ART1: variants seen among roughly 807,000 people sequenced by gnomAD.
ART1 encodes GPI-linked NAD(P)(+)--arginine ADP-ribosyltransferase 1.
Under a neutral mutation model 27.0 loss-of-function variants are expected in ART1, and 29 were observed. The observed-to-expected ratio is 1.08, with a 90% CI of 0.80 to 1.47. ART1 has a LOEUF of 1.47. ART1 is among the 40% of genes most tolerant of loss of function. ART1 has a pLI of 0.00. For missense variants in ART1, 480 were observed against 423.0 expected (o/e 1.13, Z -1.18); for synonymous variants, 201 against 172.2 (o/e 1.17, Z -1.31).
chr11:3,663,133 T>C (rs2077635807), intron 4 of ART1, among the ~76,000 whole-genome samples: 1 of 145,756 alleles, frequency 6.9e-6, no homozygotes, highest in African/African-American at 2.6e-5. Flanking sequence ...TCTCATCTCA[T>C]CTCATCTCAT....
intron 1 of ART1, chr11:3,655,406 A>T (rs2077565393): frequency 6.6e-6 from 1 of 152,240 alleles, no homozygotes; most frequent in Admixed American, 6.5e-5. Context: ...CCTCTATGGG[A>T]CAGGAAGTCT....
At chr11:3,660,500 C>A (rs1291141583) in intron 3 of ART1, 137 bp downstream of exon 3, 10 of 1,022,024 alleles carry the variant, frequency 9.8e-6, no homozygotes, top group East Asian at 2.6e-5. Flanking sequence ...CAGCTCCCAA[C>A]CCCTTCCATC....
chr11:3,653,576 T>C (rs954772640), intron 1 of ART1, among the ~76,000 whole-genome samples: 1 of 152,174 alleles, frequency 6.6e-6, no homozygotes, highest in South Asian at 2.1e-4. Flanking sequence ...ACTCAGGTGA[T>C]TAAAAGCTTT....
Position 3,651,056 on chromosome 11 carries a change from G to T in ART1, c.-53+5877G>T, listed in dbSNP as rs188545731. Among the ~76,000 whole-genome samples the T allele has an allele frequency of 1.6e-4, 24 of 152,126 alleles. No individual in the cohort carries two copies. In the East Asian group the frequency reaches 3.9e-3, roughly 24 times the overall value. ...TTTATCCGTCCTAAAACCAGACAAG[G>T]CTTACAGGTTAGTTCAGAATCCGCG... On this transcript the variant is annotated intron_variant, in intron 1 of 4. Transcript: ENST00000250693.
intron 1 of ART1, among the ~76,000 whole-genome samples, chr11:3,653,424 T>TGCGCACCTTGTGAC (rs2077543128): frequency 1.4e-5 from 2 of 148,134 alleles, no homozygotes; most frequent in Admixed American, 1.3e-4. Flanking sequence ...GCTCCTCTAC[T>TGCGCACCTTGTGAC]GCGCACCTTG....
At chr11:3,655,113 C>T (rs1053941365) in intron 1 of ART1, among the ~76,000 whole-genome samples, 4 of 152,164 alleles carry the variant, frequency 2.6e-5, no homozygotes, top group Non-Finnish European at 5.9e-5. Flanking sequence ...CTCAGGCCGC[C>T]GGTCTGGCTC....
At chr11:3,649,328 G>A (rs973774381) in intron 1 of ART1, among the ~76,000 whole-genome samples, 7 of 152,078 alleles carry the variant, frequency 4.6e-5, no homozygotes, top group African/African-American at 1.4e-4. Flanking sequence ...GCCAGAAAAC[G>A]GCACTTTCAA....
At chr11:3,654,807 G>A (rs1018642660) in intron 1 of ART1, among the ~76,000 whole-genome samples, 2 of 150,812 alleles carry the variant, frequency 1.3e-5, no homozygotes, top group South Asian at 2.1e-4. Flanking sequence ...ACCTCTGTCT[G>A]TCCTCACTGC....
At chr11:3,653,554 C>G (rs552350223) in intron 1 of ART1, among the ~76,000 whole-genome samples, 1 of 152,216 alleles carries the variant, frequency 6.6e-6, no homozygotes, top group Non-Finnish European at 1.5e-5. Flanking sequence ...TTTTCGGACT[C>G]AGTCCACCTG....
chr11:3,650,041 C>A (rs1033127056), intron 1 of ART1, among the ~76,000 whole-genome samples: 1 of 152,194 alleles, frequency 6.6e-6, no homozygotes, highest in Non-Finnish European at 1.5e-5. Context: ...TCAAGGTATA[C>A]AATAATAGAA....
rs183761415 is a variant in ART1, at chr11:3,653,526, C to A, written c.-52-5636C>A. Among the ~76,000 whole-genome samples the A allele has an allele frequency of 9.3e-4, 142 of 152,038 alleles. 1 individual carries two copies. The highest frequency in any genetic ancestry group is 3.4e-3 in the Middle Eastern group (1 of 294). Reference sequence around the variant, plus strand: ...TCCTATAAAACGGACCCACCCTTATCTCCCTTCGCTGACTCTCTTTTCGGA... The same window carrying A: ...TCCTATAAAACGGACCCACCCTTATATCCCTTCGCTGACTCTCTTTTCGGA... On this transcript the variant is annotated intron_variant, in intron 1 of 4. Transcript: ENST00000250693.
At chr11:3,661,490 CTTTTTTTTT>C in intron 4 of ART1, 77 bp downstream of exon 4, 7 of 318,504 alleles carry the variant, frequency 2.2e-5, no homozygotes, top group East Asian at 6.1e-5. Context: ...TCACCTCGAT[CTTTTTTTTT>C]TTTTTTTTTT....
At chr11:3,646,529 C>T (rs2077470874) in intron 1 of ART1, among the ~76,000 whole-genome samples, 1 of 152,144 alleles carries the variant, frequency 6.6e-6, no homozygotes, top group African/African-American at 2.4e-5. Flanking sequence ...AGGATTTTAT[C>T]ACAAGGATAC....
At chr11:3,652,495 T>G (rs2077532147) in intron 1 of ART1, among the ~76,000 whole-genome samples, 1 of 152,022 alleles carries the variant, frequency 6.6e-6, no homozygotes, top group South Asian at 2.1e-4. Flanking sequence ...GCCACCAACT[T>G]AAAAAGGACT....
intron 1 of ART1, among the ~76,000 whole-genome samples, chr11:3,652,003 C>T (rs1040291489): frequency 6.6e-6 from 1 of 151,788 alleles, no homozygotes; most frequent in Admixed American, 6.6e-5. Flanking sequence ...CCTCTTAGAA[C>T]CTCTCATTTC....
chr11:3,664,322 G>A lies in ART1; in HGVS notation c.*133G>A, dbSNP rs771948428. ...AACTCTGGGACCTTCTCTGGTAGCT[G>A]CCAGACCGGCTGGTGGAGAAACAGG... On this transcript the variant is annotated 3_prime_UTR_variant, in exon 5 of 5. Transcript: ENST00000250693. 70 of 816,992 alleles carry A rather than the reference G, an allele frequency of 8.6e-5. No homozygotes were observed. The highest frequency in any genetic ancestry group is 1.4e-4 in the Non-Finnish European group (69 of 506,528). 50.6% of individuals were successfully genotyped at this position (816,992 alleles called of 1,614,324 possible). A position where few individuals can be genotyped will look rare whatever the true frequency, so the allele number is the denominator to read the frequency against.
At chr11:3,664,014 C>A in intron 4 of ART1, 78 bp from the exon 5 acceptor site, 1 of 1,382,970 alleles carries the variant, frequency 7.2e-7, no homozygotes. Context: ...TGCATGTCCC[C>A]ACTTTTGCTC....
chr11:3,656,099 AT>A (rs1264145603), intron 1 of ART1, among the ~76,000 whole-genome samples: 1 of 151,822 alleles, frequency 6.6e-6, no homozygotes, highest in Non-Finnish European at 1.5e-5. Context: ...CGCCCAGCTA[AT>A]TTTTTGTAAT....
chr11:3,646,063 GTTTT>G (rs1028541532), intron 1 of ART1, among the ~76,000 whole-genome samples: 5 of 133,806 alleles, frequency 3.7e-5, no homozygotes, highest in African/African-American at 1.3e-4. Context: ...TGTTTGTTTT[GTTTT>G]TTTTTTCTAG....
Sources: allele counts gnomAD v4.1 joint callset (sites outside exome capture counted in the v4.1 genomes callset), GRCh38; gene constraint gnomAD v4.1.1; transcripts MANE v1.5; gene names NCBI Gene and HGNC (gene_info 2026-07-23, HGNC 2026-07-21).